The following PC variants were observed in gnomAD, a reference collection of about 807,000 sequenced individuals.
PC encodes the protein pyruvate carboxylase.
PC carries 46 observed loss-of-function variants against 107.8 expected under a neutral mutation model. That is an observed-to-expected ratio of 0.43 (90% confidence interval 0.34 to 0.55). The LOEUF is 0.55. Among genes scored for constraint, PC ranks in the 20% least tolerant of loss-of-function variants. The pLI is 0.04. For missense variants in PC, 1,241 were observed against 1,643.1 expected (o/e 0.76, Z 4.23); for synonymous variants, 662 against 684.7 (o/e 0.97, Z 0.52).
At chr11:66,863,201 G>A (rs1414426791) in intron 12 of PC, among the ~76,000 whole-genome samples, 4 of 152,158 alleles carry the variant, frequency 2.6e-5, no homozygotes, top group African/African-American at 4.8e-5. Flanking sequence ...TTAGCCGGGC[G>A]TGGTGGGGGG....
At chr11:66,907,624 G>A (rs1043682639) in intron 3 of PC, among the ~76,000 whole-genome samples, 2 of 152,132 alleles carry the variant, frequency 1.3e-5, no homozygotes, top group African/African-American at 4.8e-5. Context: ...AGTCCCCACA[G>A]CTCTTGAGAA....
intron 3 of PC, among the ~76,000 whole-genome samples, chr11:66,931,834 G>A (rs527651642): frequency 2.0e-5 from 3 of 152,052 alleles, no homozygotes; most frequent in Non-Finnish European, 2.9e-5. Flanking sequence ...TGGCTAACAC[G>A]GTGAAACCCC....
intron 3 of PC, among the ~76,000 whole-genome samples, chr11:66,935,943 G>A (rs1948990414): frequency 6.6e-6 from 1 of 152,064 alleles, no homozygotes; most frequent in African/African-American, 2.4e-5. Flanking sequence ...GCCAGGCATG[G>A]TGGCACATGC....
rs1284772953 is a variant in PC at position 66,851,882 on chromosome 11, G to A, written c.1890C>T (p.Leu630=). 5 of 1,614,026 alleles carry A rather than the reference G, an allele frequency of 3.1e-6. No homozygotes were observed. In the South Asian group the frequency reaches 4.4e-5, roughly 14 times the overall value. The change falls in exon 16 of 23, where the codon CTC becomes CTT. Residue 630 remains leucine, a synonymous_variant. Transcript: ENST00000393960. ...AAGGGATGTTGGGGATGAGCTCCCG[G>A]AGCTCCTGCAGCCGCCGCCAGGGGC... ...YECPWRRLQE[L]RELIPNIPFQ... is the part of the protein sequence containing the mutation.
At chr11:66,872,729 C>T (rs573012031) in intron 3 of PC, among the ~76,000 whole-genome samples, 193 of 151,836 alleles carry the variant, frequency 1.3e-3, no homozygotes, top group Non-Finnish European at 2.0e-3. Context: ...GGCAAGACTC[C>T]GTCTCAAAAA....
In PC at chr11:66,857,725, C is replaced by T. The variant is rs1333410445; in HGVS notation, c.1369-4342G>A. On this transcript the variant is annotated intron_variant, in intron 12 of 22. Transcript: ENST00000393960. This position sits in a 1 kb window ranked among gnomAD's most constrained non-coding sequence, Gnocchi z 7.1. ...CCCACCTGTGCCTGGGCTGTGGCCCCTTCCTACAGGGCGCTCACCATGGCC... is the reference window on the plus strand; with the variant it reads ...CCCACCTGTGCCTGGGCTGTGGCCCTTTCCTACAGGGCGCTCACCATGGCC... 13 of 1,578,606 alleles carry T rather than the reference C, an allele frequency of 8.2e-6. No homozygotes were observed. The highest frequency in any genetic ancestry group is 1.1e-5 in the Non-Finnish European group (13 of 1,168,150).
chr11:66,940,846 G>C (rs527648402), intron 3 of PC, among the ~76,000 whole-genome samples: 2 of 152,102 alleles, frequency 1.3e-5, no homozygotes, highest in Admixed American at 1.3e-4. Flanking sequence ...CCAGTACTTT[G>C]GGAGGCTGAG....
At chr11:66,891,614 A>G (rs1236401183) in intron 3 of PC, among the ~76,000 whole-genome samples, 3 of 129,492 alleles carry the variant, frequency 2.3e-5, no homozygotes, top group Non-Finnish European at 5.1e-5. Flanking sequence ...CTGGTCGTGA[A>G]CTCCTGACCT....
At chr11:66,872,315 G>C (rs942617216) in intron 3 of PC, among the ~76,000 whole-genome samples, 156 bp from the exon 4 acceptor site, 3 of 152,078 alleles carry the variant, frequency 2.0e-5, no homozygotes, top group Non-Finnish European at 4.4e-5. Flanking sequence ...CCTGGCTCTA[G>C]AGAAGGGAGC....
At chr11:66,861,685 G>A (rs1345370553) in intron 12 of PC, among the ~76,000 whole-genome samples, 1 of 152,162 alleles carries the variant, frequency 6.6e-6, no homozygotes, top group Non-Finnish European at 1.5e-5. Context: ...GGAGGGCCAG[G>A]GCTGCCACGC....
chr11:66,856,979 C>T (rs1457548516), intron 12 of PC: 1 of 146,908 alleles, frequency 6.8e-6, no homozygotes, highest in Non-Finnish European at 1.5e-5. Flanking sequence ...TCCCCGTGAC[C>T]TCAGGAGCCG....
At chr11:66,931,833 C>T (rs1179683612) in intron 3 of PC, among the ~76,000 whole-genome samples, 2 of 151,916 alleles carry the variant, frequency 1.3e-5, no homozygotes, top group African/African-American at 2.4e-5. Flanking sequence ...CTGGCTAACA[C>T]GGTGAAACCC....
At chr11:66,874,926 G>A (rs930585008) in intron 3 of PC, among the ~76,000 whole-genome samples, 1 of 152,226 alleles carries the variant, frequency 6.6e-6, no homozygotes, top group Admixed American at 6.5e-5. Context: ...GGGAGAAGTC[G>A]GCCACGCACA....
rs1945947275 is a variant in PC at position 66,857,676 on chromosome 11, G to T, written c.1369-4293C>A. 3.3e-6 allele frequency: 5 copies of T among 1,500,460 alleles called. No homozygotes were observed. The Admixed American group carries it at 9.7e-5, about 29-fold the overall frequency. The allele number at this position is 1,500,460 out of a possible 1,614,324, so 92.9% of individuals were successfully genotyped here. Reference sequence around the variant, plus strand: ...AAGCTGGCTTCTGGGACTGTCCTGGGCCCAAGTGGGCACCTGCGCCAGCCC... The same window carrying T: ...AAGCTGGCTTCTGGGACTGTCCTGGTCCCAAGTGGGCACCTGCGCCAGCCC... On this transcript the variant is annotated intron_variant, in intron 12 of 22. Coordinates refer to ENST00000393960, the MANE Select transcript of PC (RefSeq NM_001040716.2). This position sits in a 1 kb window ranked among gnomAD's most constrained non-coding sequence, Gnocchi z 7.1.
Position 66,873,036 on chromosome 11 carries a change from GA to G in PC, c.1-878del, listed in dbSNP as rs1190339667. 2.0e-4 allele frequency among the ~76,000 whole-genome samples: 26 copies of G among 129,948 alleles called. 1 individual carries two copies. Among genetic ancestry groups the G allele is most frequent in the South Asian group, 7.2e-4 (3 of 4,178 alleles). The allele number at this position is 129,948 out of a possible 152,430, so 85.3% of individuals were successfully genotyped here. The stretch of plus-strand genomic sequence containing the variant: ...GGGTGACATCAAGACTCTGTCCCAG[GA>G]AAAAAAAAAAGTATAATACTTCAGG... On this transcript the variant is annotated intron_variant, in intron 3 of 22. Transcript: ENST00000393960.
intron 1 of PC, 107 bp downstream of exon 1, chr11:66,958,215 G>C (rs1431654145): frequency 6.6e-6 from 1 of 152,052 alleles, no homozygotes; most frequent in East Asian, 1.9e-4. Context: ...CGCCGCCTTT[G>C]CGCGCGCGAC....
chr11:66,942,570 A>C (rs1949166518), intron 3 of PC, among the ~76,000 whole-genome samples: 1 of 152,150 alleles, frequency 6.6e-6, no homozygotes, highest in Non-Finnish European at 1.5e-5. Flanking sequence ...GGTGGGTGCC[A>C]GGGGCTTGGG....
At position 66,851,876 on chromosome 11, in the gene PC, C is replaced by G. The variant is rs745438957; in HGVS notation, c.1896G>C (p.Glu632Asp). The G allele has an allele frequency of 2.5e-6, 4 of 1,613,952 alleles. No homozygotes were observed. Among genetic ancestry groups the G allele is most frequent in the African/African-American group, 2.7e-5 (2 of 74,912 alleles). Residue 632 changes from glutamate to aspartate, a missense_variant, in exon 16 of 23, where the codon GAG becomes GAC. Around this residue, in one of 2 missense-constraint regions of PC, gnomAD observed 1,143 missense variants for 1,551.9 expected, o/e 0.74. Transcript: ENST00000393960. ...TCTGGAAAGGGATGTTGGGGATGAG[C>G]TCCCGGAGCTCCTGCAGCCGCCGCC... Reference protein sequence around the residue: ...CPWRRLQELRELIPNIPFQML... With the variant: ...CPWRRLQELRDLIPNIPFQML...
chr11:66,860,087 G>C, intron 12 of PC: 1 of 1,555,216 alleles, frequency 6.4e-7, no homozygotes. Context: ...CCAGGCGCCT[G>C]GGAGGAGCTT....
Sources: gnomAD v4.1 joint callset for allele counts (sites outside exome capture counted in the v4.1 genomes callset) on GRCh38, gnomAD v4.1.1 for gene constraint, gnomAD v4.1.1 regional missense constraint, Gnocchi (gnomAD v3.1) non-coding constraint, MANE v1.5 for transcripts, NCBI Gene and HGNC (gene_info 2026-07-23, HGNC 2026-07-21) for gene names.